HELZ: variants seen among roughly 807,000 people sequenced by gnomAD.
The protein encoded by HELZ is helicase with zinc finger.
A neutral mutation model predicts 218.2 loss-of-function variants in HELZ; 23 were observed. The ratio of observed to expected loss-of-function variants is 0.11; its 90% confidence interval spans 0.08 to 0.15. HELZ has a LOEUF of 0.15. Among genes scored for constraint, HELZ ranks in the 10% least tolerant of loss-of-function variants. The probability of loss-of-function intolerance (pLI) is 1.00; values close to 1 mark genes in which losing one functional copy is unlikely to be tolerated. For synonymous variants in HELZ, 814 were observed against 829.4 expected, an observed-to-expected ratio of 0.98 and a Z score of 0.32; for missense variants, 1,813 against 2,353.7, an observed-to-expected ratio of 0.77 and a Z score of 4.75.
chr17:67,240,166 A>T lies in HELZ; in HGVS notation c.-75-677T>A, dbSNP rs117199365. Among the ~76,000 whole-genome samples the T allele has an allele frequency of 3.0e-3, 464 of 152,350 alleles. 3 individuals are homozygous for T. The highest frequency in any genetic ancestry group is 4.8e-3 in the Non-Finnish European group (327 of 68,036). ...TTCAAATTACAGTTATCTTAAGCTG[A>T]TGGTAGTTTATCATTATTACTTATC... On this transcript the variant is annotated intron_variant, in intron 2 of 32. Transcript: ENST00000358691.
At chr17:67,098,053 C>T (rs1357297453) in intron 31 of HELZ, among the ~76,000 whole-genome samples, 1 of 152,144 alleles carries the variant, frequency 6.6e-6, no homozygotes, top group African/African-American at 2.4e-5. Context: ...CCTTTCTCCC[C>T]ACCACCCAGA....
At position 67,166,605 on chromosome 17, in the gene HELZ, C is replaced by T. The variant is rs1312604865; in HGVS notation, c.1768G>A (p.Glu590Lys). The change falls in exon 15 of 33, where the codon GAA (glutamate) becomes AAA (lysine). Residue 590 changes from glutamate to lysine, a missense_variant. By Grantham distance (56) the Glu-to-Lys change is moderately conservative. Around this residue, in one of 4 missense-constraint regions of HELZ, gnomAD observed 714 missense variants for 1,029.2 expected, o/e 0.69. Coordinates refer to ENST00000358691, the MANE Select transcript of HELZ (RefSeq NM_014877.4). ...AATCGATTTAATTGAAACTGAAGTT[C>T]AACCTGAAAGACAAAATGAATGTTT... ...NLRPDCDTQV[E>K]LQFQLNRLPL... is the part of the protein sequence containing the mutation. 1 of 1,613,276 alleles carries T rather than the reference C, an allele frequency of 6.2e-7. No homozygotes were observed. Among genetic ancestry groups the T allele is most frequent in the Non-Finnish European group, 8.5e-7 (1 of 1,179,474 alleles).
chr17:67,089,666 TATAGAGAGAGAGAGAG>T (rs1182454083), intron 31 of HELZ, among the ~76,000 whole-genome samples: 26 of 54,826 alleles, frequency 4.7e-4, no homozygotes, highest in African/African-American at 1.8e-3. Context: ...TATATATATA[TATAGAGAGAGAGAGAG>T]AGAGAGAGAG....
rs746639010 is a variant in HELZ, at chr17:67,160,331, C to A, written c.2107G>T (p.Ala703Ser). 18 of 1,611,974 alleles carry A rather than the reference C, an allele frequency of 1.1e-5. No homozygotes were observed. The highest frequency in any genetic ancestry group is 1.5e-5 in the Non-Finnish European group (18 of 1,178,660). Residue 703 changes from alanine to serine, a missense_variant, in exon 17 of 33, where the codon GCT (alanine) becomes TCT (serine). Physicochemically the swap from Ala to Ser is moderately conservative, Grantham distance 99. This residue lies in a region of HELZ where 714 missense variants were observed against 1,029.2 expected (regional missense o/e 0.69). Coordinates refer to ENST00000358691, the MANE Select transcript of HELZ (RefSeq NM_014877.4). The part of the protein sequence containing the change: ...ILICTHSNSA[A>S]DLYIKDYLHP... ...AAATAATCCTTTATGTAGAGATCAG[C>A]AGCACTATTAGAATGGGTGCAAATG... is the stretch of plus-strand genomic sequence containing the variant.
intron 2 of HELZ, among the ~76,000 whole-genome samples, 189 bp downstream of exon 2, chr17:67,243,595 C>A (rs1338292965): frequency 6.6e-6 from 1 of 152,196 alleles, no homozygotes; most frequent in Non-Finnish European, 1.5e-5. Context: ...GTTGGAGCAA[C>A]TGAAAAGATT....
chr17:67,132,219 T>C (rs2038007744), intron 23 of HELZ, among the ~76,000 whole-genome samples: 2 of 91,712 alleles, frequency 2.2e-5, no homozygotes, highest in South Asian at 5.5e-4. Context: ...CTTAGGTCAC[T>C]GTGTGTGTGT....
At chr17:67,213,094 C>T (rs1052275266) in intron 5 of HELZ, among the ~76,000 whole-genome samples, 13 of 152,186 alleles carry the variant, frequency 8.5e-5, no homozygotes, top group African/African-American at 3.1e-4. Context: ...TTTTGTATGA[C>T]TTTTCCTAAG....
At chr17:67,197,171 T>C (rs2040052897) in intron 7 of HELZ, among the ~76,000 whole-genome samples, 1 of 152,158 alleles carries the variant, frequency 6.6e-6, no homozygotes, top group South Asian at 2.1e-4. Context: ...TTCCCCCATA[T>C]CGTTCTTGTG....
chr17:67,153,190 G>T (rs2038740785), intron 17 of HELZ, among the ~76,000 whole-genome samples: 1 of 151,974 alleles, frequency 6.6e-6, no homozygotes, highest in Admixed American at 6.6e-5. Flanking sequence ...TTTTTGTTTT[G>T]TTTTTTTAAA....
chr17:67,209,165 A>C (rs2040389531), intron 5 of HELZ, among the ~76,000 whole-genome samples: 1 of 151,498 alleles, frequency 6.6e-6, no homozygotes. Context: ...AAATACTGAA[A>C]TTCTTGTCTC....
chr17:67,140,740 T>C (rs903010787), intron 21 of HELZ, among the ~76,000 whole-genome samples: 17 of 152,112 alleles, frequency 1.1e-4, no homozygotes, highest in African/African-American at 4.1e-4. Flanking sequence ...TCAATGAACT[T>C]TGAGTAAGAT....
At chr17:67,089,749 G>A in intron 31 of HELZ, among the ~76,000 whole-genome samples, 1 of 141,768 alleles carries the variant, frequency 7.1e-6, no homozygotes, top group South Asian at 2.3e-4. Flanking sequence ...ATTGATTTTT[G>A]TGTGTTGACC....
At chr17:67,103,966 C>G (rs1598222514) in intron 31 of HELZ, among the ~76,000 whole-genome samples, 1 of 152,130 alleles carries the variant, frequency 6.6e-6, no homozygotes, top group South Asian at 2.1e-4. Flanking sequence ...TGATTTTTGA[C>G]AATGTTGCCA....
intron 3 of HELZ, among the ~76,000 whole-genome samples, chr17:67,225,834 A>C (rs1267551160): frequency 6.6e-6 from 1 of 152,236 alleles, no homozygotes; most frequent in Non-Finnish European, 1.5e-5. Flanking sequence ...AAAGAGCAAA[A>C]TCGATAAATT....
chr17:67,233,099 A>C (rs2041080524), intron 3 of HELZ, among the ~76,000 whole-genome samples: 1 of 152,238 alleles, frequency 6.6e-6, no homozygotes, highest in Non-Finnish European at 1.5e-5. Flanking sequence ...GAGCCATTGC[A>C]CTCCAGCTTA....
chr17:67,236,661 T>C (rs960225817), intron 3 of HELZ, among the ~76,000 whole-genome samples: 2 of 152,206 alleles, frequency 1.3e-5, no homozygotes, highest in African/African-American at 4.8e-5. Flanking sequence ...CAAACTATAA[T>C]GTATCATAAT....
chr17:67,158,908 G>A (rs1020968603), intron 17 of HELZ, among the ~76,000 whole-genome samples: 17 of 152,058 alleles, frequency 1.1e-4, no homozygotes, highest in Non-Finnish European at 2.4e-4. Context: ...ACAGCCCCAA[G>A]TGTCAAATGA....
intron 13 of HELZ, among the ~76,000 whole-genome samples, chr17:67,175,742 G>A (rs2039437358): frequency 6.6e-6 from 1 of 152,136 alleles, no homozygotes; most frequent in African/African-American, 2.4e-5. Context: ...AGAAATTCCA[G>A]AATTCTCTAG....
chr17:67,128,425 G>C (rs2037870456), intron 24 of HELZ: 1 of 553,840 alleles, frequency 1.8e-6, no homozygotes. Flanking sequence ...GAAGTTATCA[G>C]TATTAAAAAT....
Sources: allele counts gnomAD v4.1 joint callset (sites outside exome capture counted in the v4.1 genomes callset), GRCh38; gene constraint gnomAD v4.1.1; regional missense constraint gnomAD v4.1.1; transcripts MANE v1.5; gene names NCBI Gene and HGNC (gene_info 2026-07-23, HGNC 2026-07-21).